NAP1L1: variants seen among roughly 807,000 people sequenced by gnomAD.
NAP1L1 encodes the protein nucleosome assembly protein 1-like 1.
A neutral mutation model predicts 58.9 loss-of-function variants in NAP1L1; 9 were observed. The observed-to-expected ratio is 0.15, with a 90% CI of 0.09 to 0.27. NAP1L1 has a LOEUF of 0.27. NAP1L1 is among the 10% of genes least tolerant of loss of function. NAP1L1 has a pLI of 1.00. For missense variants in NAP1L1, 302 were observed against 458.8 expected (o/e 0.66, Z 3.12); for synonymous variants, 130 against 138.3 (o/e 0.94, Z 0.42).
At chr12:76,049,434 G>A (rs1948719878) in intron 13 of NAP1L1, 184 bp from the exon 14 acceptor site, 1 of 1,534,330 alleles carries the variant, frequency 6.5e-7, no homozygotes, top group Non-Finnish European at 8.7e-7. Context: ...CACAACTTGA[G>A]ACATCCAGAC....
At position 76,056,149 on chromosome 12, in the gene NAP1L1, C is replaced by T; in HGVS notation, c.442G>A (p.Glu148Lys). Residue 148 changes from glutamate to lysine, a missense_variant, in exon 7 of 15, where the codon GAA (glutamate) becomes AAA (lysine). By Grantham distance (56) the Glu-to-Lys change is moderately conservative. Transcript: ENST00000618691. ...EEDEISEELK[E>K]KAKIEDEKKD... is the part of the protein sequence containing the mutation. Reference sequence around the variant, plus strand: ...TTCTCATCTTCAATCTTGGCCTTTTCTTTCAATTCCTCCTTGATTAAGTGA... The same window carrying T: ...TTCTCATCTTCAATCTTGGCCTTTTTTTTCAATTCCTCCTTGATTAAGTGA... The T allele has an allele frequency of 6.2e-7, 1 of 1,610,830 alleles. No homozygotes were observed. Among genetic ancestry groups the T allele is most frequent in the East Asian group, 2.2e-5 (1 of 44,736 alleles).
chr12:76,065,783 G>GT (rs1003336613), intron 4 of NAP1L1, among the ~76,000 whole-genome samples: 6 of 151,840 alleles, frequency 4.0e-5, no homozygotes, highest in South Asian at 2.1e-4. Context: ...ACGTTTTAAG[G>GT]TTTTTTTGCT....
intron 1 of NAP1L1, among the ~76,000 whole-genome samples, chr12:76,078,147 G>C (rs1270524290): frequency 2.2e-4 from 33 of 152,044 alleles, no homozygotes; most frequent in Non-Finnish European, 1.5e-5. Flanking sequence ...CTTTTGCACT[G>C]AGGTCAACTG....
rs199606281 is a variant in NAP1L1 at position 76,041,737 on chromosome 12, T to C, written c.*6692A>G. On this transcript the variant is annotated 3_prime_UTR_variant, in exon 15 of 15. Coordinates refer to ENST00000618691, the MANE Select transcript of NAP1L1 (RefSeq NM_004537.7). ...CTCAAAGATAATAAAAATAAAACTT[T>C]GTTGACTGGCCTAATCCAAGTCTAA... The C allele has an allele frequency of 7.9e-5, 12 of 152,254 alleles. No individual in the cohort carries two copies. In the East Asian group the frequency reaches 2.3e-3, roughly 29 times the overall value. The allele number at this position is 152,254 out of a possible 1,614,324, so 9.4% of individuals were successfully genotyped here.
intron 13 of NAP1L1, 134 bp from the exon 14 acceptor site, chr12:76,049,384 C>T: frequency 6.5e-7 from 1 of 1,549,138 alleles, no homozygotes; most frequent in Non-Finnish European, 8.7e-7. Flanking sequence ...GATGATAATA[C>T]AATTTAATTT....
At chr12:76,058,926 C>T (rs942866915) in intron 6 of NAP1L1, among the ~76,000 whole-genome samples, 2 of 152,160 alleles carry the variant, frequency 1.3e-5, no homozygotes, top group African/African-American at 4.8e-5. Context: ...GGCACAATAA[C>T]ATACTGTTGG....
chr12:76,074,810 C>T lies in NAP1L1; in HGVS notation c.-20-571G>A, dbSNP rs146891479. ...AGCCATTTAGACTATTTCAAAAGCT[C>T]TAGGTCCCAATCTTAATGTTAGGTA... On this transcript the variant is annotated intron_variant, in intron 1 of 14. Transcript: ENST00000618691. Among the ~76,000 whole-genome samples the T allele has an allele frequency of 9.7e-3, 1,478 of 152,226 alleles. 21 individuals carry two copies. Among genetic ancestry groups the T allele is most frequent in the African/African-American group, 0.033 (1,370 of 41,528 alleles).
At chr12:76,049,980 G>A (rs1349293765) in intron 12 of NAP1L1, among the ~76,000 whole-genome samples, 195 bp from the exon 13 acceptor site, 1 of 152,106 alleles carries the variant, frequency 6.6e-6, no homozygotes, top group Non-Finnish European at 1.5e-5. Flanking sequence ...TAAAATTAAA[G>A]AACAGAGTAC....
chr12:76,071,303 C>T (rs1360879585), intron 2 of NAP1L1, among the ~76,000 whole-genome samples: 1 of 152,132 alleles, frequency 6.6e-6, no homozygotes, highest in Non-Finnish European at 1.5e-5. Context: ...CCAGGGCTAA[C>T]AGGCATCCAA....
chr12:76,067,153 C>T (rs7972051), intron 4 of NAP1L1, among the ~76,000 whole-genome samples: 95,119 of 151,904 alleles, frequency 0.63, 30,197 homozygotes, highest in East Asian at 0.96. Context: ...AAGATCAGTA[C>T]ACTTCCTATA....
chr12:76,076,592 A>ATATATATATATG (rs1565747788), intron 1 of NAP1L1, among the ~76,000 whole-genome samples: 2 of 139,702 alleles, frequency 1.4e-5, no homozygotes, highest in Non-Finnish European at 3.1e-5. Flanking sequence ...ATATATATAT[A>ATATATATATATG]TCTCCACTCA....
intron 2 of NAP1L1, 186 bp downstream of exon 2, chr12:76,074,017 T>C (rs987594553): frequency 4.3e-5 from 22 of 517,462 alleles, no homozygotes; most frequent in South Asian, 1.0e-4. Context: ...TATATGATCA[T>C]AAATATGCTA....
In NAP1L1 at chr12:76,059,763, T is replaced by C. The variant is rs903469263; in HGVS notation, c.429+35A>G. 8.5e-6 allele frequency: 12 copies of C among 1,411,564 alleles called. No homozygotes were observed. In the Middle Eastern group the frequency reaches 5.4e-4, roughly 64 times the overall value. 87.4% of individuals were successfully genotyped at this position (1,411,564 alleles called of 1,614,324 possible). On this transcript the variant is annotated intron_variant, in intron 6 of 14. Coordinates refer to ENST00000618691, the MANE Select transcript of NAP1L1 (RefSeq NM_004537.7). ...TCTGACAAGTCCTAAGATTTTATCATCTTAAAAACATACCAAAATAAAGTT... is the reference window on the plus strand; with the variant it reads ...TCTGACAAGTCCTAAGATTTTATCACCTTAAAAACATACCAAAATAAAGTT...
rs1184980100 is a variant in NAP1L1 at position 76,040,132 on chromosome 12, T to C, written c.*8297A>G. ...GATTCCAAAATGATGGGGAAAAGCA[T>C]ATGTTTTTCTCCCTGAACAGGCATA... On this transcript the variant is annotated 3_prime_UTR_variant, in exon 15 of 15. Transcript: ENST00000618691. 1.3e-5 allele frequency: 2 copies of C among 152,262 alleles called. No homozygotes were observed. The highest frequency in any genetic ancestry group is 3.4e-3 in the Middle Eastern group (1 of 294). The allele number at this position is 152,262 out of a possible 1,614,324, so 9.4% of individuals were successfully genotyped here. A position where few individuals can be genotyped will look rare whatever the true frequency, so the allele number is the denominator to read the frequency against.
At chr12:76,074,152 G>A (rs753974142) in intron 2 of NAP1L1, 51 bp downstream of exon 2, 13 of 1,409,758 alleles carry the variant, frequency 9.2e-6, no homozygotes, top group Non-Finnish European at 1.2e-5. Context: ...TAAGAACAGA[G>A]TACAAAGTGA....
intron 6 of NAP1L1, chr12:76,057,648 T>C: frequency 7.0e-7 from 1 of 1,418,760 alleles, no homozygotes; most frequent in Non-Finnish European, 9.7e-7. Flanking sequence ...GTGGAGTCTG[T>C]TCATTACCAA....
chr12:76,050,406 T>C (rs981624506), intron 12 of NAP1L1, 125 bp downstream of exon 12: 2 of 1,198,914 alleles, frequency 1.7e-6, no homozygotes, highest in African/African-American at 1.6e-5. Flanking sequence ...ATACAGAACA[T>C]CAGTAATTAG....
chr12:76,081,950 A>C (rs534127805), intron 1 of NAP1L1, among the ~76,000 whole-genome samples: 2 of 152,312 alleles, frequency 1.3e-5, no homozygotes, highest in East Asian at 3.9e-4. Context: ...TCACAATTTA[A>C]CATTCTACAT....
intron 1 of NAP1L1, among the ~76,000 whole-genome samples, chr12:76,079,960 T>G (rs1950337995): frequency 6.6e-6 from 1 of 152,224 alleles, no homozygotes. Context: ...TGTGATTGAT[T>G]ACAGGTGTGA....
Sources: gnomAD v4.1 joint callset for allele counts (sites outside exome capture counted in the v4.1 genomes callset) on GRCh38, gnomAD v4.1.1 for gene constraint, MANE v1.5 for transcripts, NCBI Gene and HGNC (gene_info 2026-07-23, HGNC 2026-07-21) for gene names.